The following DNAH11 variants were observed in gnomAD, a reference collection of about 807,000 sequenced individuals.
DNAH11 encodes axonemal beta dynein heavy chain 11.
In DNAH11, 442 loss-of-function variants were observed where a neutral mutation model predicts 526.0. The observed-to-expected ratio is 0.84, with a 90% CI of 0.78 to 0.91. The LOEUF (loss-of-function observed/expected upper bound fraction) is 0.91. Among genes scored for constraint, DNAH11 ranks in the 40% least tolerant of loss-of-function variants. DNAH11 has a pLI of 0.00. For missense variants in DNAH11, 6,989 were observed against 5,448.7 expected (o/e 1.28, Z -8.90); for synonymous variants, 2,461 against 1,935.9 (o/e 1.27, Z -7.12).
At chr7:21,654,677 C>T (rs55880336) in intron 28 of DNAH11, among the ~76,000 whole-genome samples, 1,569 of 152,252 alleles carry the variant, frequency 0.01, 22 homozygotes, top group African/African-American at 0.036. Flanking sequence ...TTCCACTTAG[C>T]GGCTTTTATT....
chr7:21,828,704 G>C (rs1562570309), intron 65 of DNAH11, among the ~76,000 whole-genome samples: 1 of 150,578 alleles, frequency 6.6e-6, no homozygotes, highest in African/African-American at 2.4e-5. Flanking sequence ...AGCGTGTGTA[G>C]GTGTGTATCA....
At chr7:21,854,588 A>C (rs2128025591) in intron 68 of DNAH11, 133 bp downstream of exon 68, 3 of 1,026,402 alleles carry the variant, frequency 2.9e-6, no homozygotes, top group Non-Finnish European at 4.0e-6. Flanking sequence ...CTCACTCTGT[A>C]GCCCAGGCTG....
chr7:21,702,654 T>G, intron 36 of DNAH11, 56 bp from the exon 37 acceptor site: 119 of 1,475,322 alleles, frequency 8.1e-5, no homozygotes, highest in Non-Finnish European at 1.0e-4. Context: ...ACCTCTGGAA[T>G]GAGAATCTTC....
chr7:21,741,464 C>G (rs769769188), intron 48 of DNAH11, among the ~76,000 whole-genome samples: 4 of 152,240 alleles, frequency 2.6e-5, no homozygotes, highest in Admixed American at 2.6e-4. Context: ...ACAACAGCAA[C>G]AGCTACCCCC....
At chr7:21,898,262 A>G (rs999778941) in intron 79 of DNAH11, among the ~76,000 whole-genome samples, 4 of 152,052 alleles carry the variant, frequency 2.6e-5, no homozygotes, top group East Asian at 1.9e-4. Flanking sequence ...TCTTCTTCTT[A>G]TCGTCGAGTA....
At chr7:21,612,870 A>G (rs1785589668) in intron 20 of DNAH11, among the ~76,000 whole-genome samples, 1 of 152,230 alleles carries the variant, frequency 6.6e-6, no homozygotes, top group East Asian at 1.9e-4. Context: ...AAATCAGTGT[A>G]ATTAATTGCA....
rs1784830335 is a variant in DNAH11, at chr7:21,901,337, A to ATTCTAACTTTT, written c.*85_*95dup. On this transcript the variant is annotated 3_prime_UTR_variant, in exon 82 of 82. Transcript: ENST00000409508. ...TTGCTGCACTGTTCCCATGCACATT[A>ATTCTAACTTTT]TTCTAACTTTTTAGTAACTCACACG... 2.1e-6 allele frequency: 3 copies of ATTCTAACTTTT among 1,411,182 alleles called. No homozygotes were observed. Among genetic ancestry groups the ATTCTAACTTTT allele is most frequent in the African/African-American group, 1.5e-5 (1 of 68,540 alleles). 87.4% of individuals were successfully genotyped at this position (1,411,182 alleles called of 1,614,324 possible).
At chr7:21,681,725 G>T (rs923942089) in intron 31 of DNAH11, 48 bp downstream of exon 31, 1 of 1,609,976 alleles carries the variant, frequency 6.2e-7, no homozygotes, top group Non-Finnish European at 8.5e-7. Flanking sequence ...TTTCCTGAAA[G>T]TGGTGTTTAT....
chr7:21,641,549 A>G (rs1162685796), intron 28 of DNAH11, among the ~76,000 whole-genome samples: 2 of 152,178 alleles, frequency 1.3e-5, no homozygotes, highest in Non-Finnish European at 2.9e-5. Context: ...GGAAAAGATC[A>G]CTCAATGAAT....
intron 8 of DNAH11, among the ~76,000 whole-genome samples, chr7:21,579,429 G>A (rs1035145257): frequency 5.3e-5 from 8 of 152,140 alleles, no homozygotes; most frequent in Non-Finnish European, 8.8e-5. Context: ...ATGGGTGCCC[G>A]GTGCTGGAGT....
intron 32 of DNAH11, 90 bp from the exon 33 acceptor site, chr7:21,687,009 T>G (rs1185816270): frequency 5.1e-5 from 64 of 1,256,656 alleles, no homozygotes; most frequent in Non-Finnish European, 6.6e-5. Context: ...ATTCTAGAGC[T>G]TCTTAAACTT....
At chr7:21,810,110 T>TAA (rs1789447325) in intron 63 of DNAH11, among the ~76,000 whole-genome samples, 1 of 152,190 alleles carries the variant, frequency 6.6e-6, no homozygotes, top group Non-Finnish European at 1.5e-5. Context: ...CTTTCAGACT[T>TAA]AAAGTGTAGC....
At chr7:21,781,417 A>G (rs1340590922) in intron 57 of DNAH11, among the ~76,000 whole-genome samples, 1 of 152,234 alleles carries the variant, frequency 6.6e-6, no homozygotes. Context: ...TCACACAAGC[A>G]TCATCAAGCC....
At chr7:21,751,986 G>C (rs1054464042) in intron 54 of DNAH11, among the ~76,000 whole-genome samples, 1 of 152,180 alleles carries the variant, frequency 6.6e-6, no homozygotes, top group Admixed American at 6.5e-5. Context: ...GTAATCTGTT[G>C]CTCAGAGCTG....
chr7:21,674,866 A>T (rs1307449017), intron 30 of DNAH11, among the ~76,000 whole-genome samples: 1 of 152,064 alleles, frequency 6.6e-6, no homozygotes, highest in African/African-American at 2.4e-5. Context: ...AGAAAAAAAA[A>T]AGAACAAAAA....
At chr7:21,803,979 G>T (rs1476970680) in intron 62 of DNAH11, among the ~76,000 whole-genome samples, 1 of 152,232 alleles carries the variant, frequency 6.6e-6, no homozygotes, top group Non-Finnish European at 1.5e-5. Flanking sequence ...CATGGGACTG[G>T]GCACACGACC....
chr7:21,730,143 A>C (rs1261070694), intron 45 of DNAH11, among the ~76,000 whole-genome samples: 2 of 152,204 alleles, frequency 1.3e-5, no homozygotes, highest in Non-Finnish European at 2.9e-5. Context: ...TCCTAAGGAA[A>C]CAAAATTAGT....
chr7:21,619,614 C>G (rs951341320), intron 24 of DNAH11, among the ~76,000 whole-genome samples: 7 of 152,142 alleles, frequency 4.6e-5, no homozygotes, highest in East Asian at 1.9e-4. Flanking sequence ...GACTGAGATT[C>G]ATTCACATTT....
At chr7:21,891,070 T>C (rs75245193) in intron 76 of DNAH11, among the ~76,000 whole-genome samples, 1 of 114,746 alleles carries the variant, frequency 8.7e-6, no homozygotes, top group Admixed American at 8.8e-5. Flanking sequence ...GTTACACACA[T>C]GATTGTGTGG....
Sources: gnomAD v4.1 joint callset for allele counts (sites outside exome capture counted in the v4.1 genomes callset) on GRCh38, gnomAD v4.1.1 for gene constraint, MANE v1.5 for transcripts, NCBI Gene and HGNC (gene_info 2026-07-23, HGNC 2026-07-21) for gene names.